The following SLC26A8 variants were observed in gnomAD, a reference collection of about 807,000 sequenced individuals.
SLC26A8 encodes testis anion transporter 1.
Under a neutral mutation model 105.0 loss-of-function variants are expected in SLC26A8, and 70 were observed. The observed-to-expected ratio is 0.67, with a 90% CI of 0.55 to 0.81. SLC26A8 has a LOEUF of 0.81. SLC26A8 is among the 40% of genes least tolerant of loss of function. SLC26A8 has a pLI of 0.00. For synonymous variants in SLC26A8, 415 were observed against 438.3 expected (o/e 0.95, Z 0.66); for missense variants, 998 against 1,181.8 (o/e 0.84, Z 2.28).
In SLC26A8 at chr6:36,011,233, G is replaced by A. The variant is rs114610162; in HGVS notation, c.328+1000C>T. ...CCTGGAAACCTTATAATGGTAGAAC[G>A]TCAGCTGTGTTACCGGGCAGAATTG... On this transcript the variant is annotated intron_variant, in intron 3 of 19. Coordinates refer to ENST00000490799, the MANE Select transcript of SLC26A8 (RefSeq NM_052961.4). Among the ~76,000 whole-genome samples the A allele has an allele frequency of 3.1e-3, 470 of 152,298 alleles. 3 individuals are homozygous for A. Among genetic ancestry groups the A allele is most frequent in the African/African-American group, 0.011 (457 of 41,558 alleles).
intron 3 of SLC26A8, among the ~76,000 whole-genome samples, chr6:36,010,609 G>A (rs950392625): frequency 2.7e-5 from 4 of 146,730 alleles, no homozygotes; most frequent in Non-Finnish European, 3.0e-5. Context: ...TGCGATCTTG[G>A]CTCACTGCAA....
At chr6:35,962,044 A>G (rs9368896) in intron 12 of SLC26A8, among the ~76,000 whole-genome samples, 146,841 of 152,244 alleles carry the variant, frequency 0.96, 70,923 homozygotes, top group South Asian at 1. Context: ...TGGTCAATAT[A>G]GTGAAACCCT....
chr6:36,012,345 G>C lies in SLC26A8; in HGVS notation c.216C>G (p.Cys72Trp). 1 of 1,600,888 alleles carries C rather than the reference G, an allele frequency of 6.2e-7. No individual in the cohort carries two copies. Among genetic ancestry groups the C allele is most frequent in the African/African-American group, 1.4e-5 (1 of 74,058 alleles). ...CRCSWHRFLRCVLTIFPFLEW... is the reference protein window; with the variant it reads ...CRCSWHRFLRWVLTIFPFLEW... ...CTAGGAAGGGAAAGATTGTAAGCACGCATCGTAGGAACCTGTGCCATGAGC... is the reference window on the plus strand; with the variant it reads ...CTAGGAAGGGAAAGATTGTAAGCACCCATCGTAGGAACCTGTGCCATGAGC... The change falls in exon 3 of 20, where the codon TGC becomes TGG. Residue 72 changes from cysteine to tryptophan, a missense_variant. Physicochemically the swap from Cys to Trp is radical, Grantham distance 215 (BLOSUM62 -2). Coordinates refer to ENST00000490799, the MANE Select transcript of SLC26A8 (RefSeq NM_052961.4).
At chr6:35,982,025 G>A (rs1406776748) in intron 8 of SLC26A8, 96 bp downstream of exon 8, 51 of 1,303,864 alleles carry the variant, frequency 3.9e-5, no homozygotes, top group Middle Eastern at 4.0e-4. Flanking sequence ...TTTGGCCAGA[G>A]ACTGCTAGTA....
chr6:36,011,395 T>C (rs1761852494), intron 3 of SLC26A8, among the ~76,000 whole-genome samples: 1 of 152,218 alleles, frequency 6.6e-6, no homozygotes, highest in South Asian at 2.1e-4. Context: ...ACTTGCCCAT[T>C]GTGGGACTCT....
intron 2 of SLC26A8, among the ~76,000 whole-genome samples, chr6:36,014,750 C>T (rs1279165442): frequency 6.6e-6 from 1 of 152,026 alleles, no homozygotes; most frequent in Non-Finnish European, 1.5e-5. Flanking sequence ...TCTGTAGTCC[C>T]AGCTACTCGG....
At chr6:35,956,428 CAAAAAAAAA>C (rs56146863) in intron 16 of SLC26A8, among the ~76,000 whole-genome samples, 4 of 105,886 alleles carry the variant, frequency 3.8e-5, no homozygotes, top group South Asian at 6.2e-4. Context: ...ACCTTATGTC[CAAAAAAAAA>C]AAAAAAAAAA....
rs1294940980 is a variant in SLC26A8 at position 35,955,257 on chromosome 6, G to A, written c.2127C>T (p.Leu709=). The A allele has an allele frequency of 2.5e-6, 4 of 1,614,188 alleles. No homozygotes were observed. Among genetic ancestry groups the A allele is most frequent in the South Asian group, 1.1e-5 (1 of 91,076 alleles). The change falls in exon 17 of 20, where the codon CTC becomes CTT. Residue 709 remains leucine (L), a synonymous_variant. Transcript: ENST00000490799. ...GTAGAGACGCATCTGAGTAAGGGATGAGTGATCTCCTCCCCTGGCTTTCCG... is the reference window on the plus strand; with the variant it reads ...GTAGAGACGCATCTGAGTAAGGGATAAGTGATCTCCTCCCCTGGCTTTCCG... ...DVAESQGRRS[L]IPYSDASLLP...
At chr6:35,988,560 G>A (rs576092694) in intron 7 of SLC26A8, among the ~76,000 whole-genome samples, 61 of 152,060 alleles carry the variant, frequency 4.0e-4, no homozygotes, top group African/African-American at 1.4e-3. Flanking sequence ...GCTTGAATCT[G>A]GGAGGCGGAG....
intron 4 of SLC26A8, among the ~76,000 whole-genome samples, chr6:35,999,510 G>A (rs564824729): frequency 2.0e-5 from 3 of 152,300 alleles, no homozygotes; most frequent in African/African-American, 7.2e-5. Flanking sequence ...TTAGTAGATG[G>A]ACTTTTGACT....
intron 2 of SLC26A8, among the ~76,000 whole-genome samples, chr6:36,018,856 G>A (rs1762059151): frequency 6.6e-6 from 1 of 152,202 alleles, no homozygotes; most frequent in African/African-American, 2.4e-5. Flanking sequence ...GTACCACCAT[G>A]TGGGCACTGT....
chr6:36,015,458 T>C lies in SLC26A8; in HGVS notation c.189-3086A>G, dbSNP rs371314137. The stretch of plus-strand genomic sequence containing the variant: ...TGCTGTGCTACCTTTCTGGTTAAAA[T>C]TTAGAAGTGGAGAGAATTGTATGTT... On this transcript the variant is annotated intron_variant, in intron 2 of 19. Coordinates refer to ENST00000490799, the MANE Select transcript of SLC26A8 (RefSeq NM_052961.4). 1.1e-4 allele frequency among the ~76,000 whole-genome samples: 17 copies of C among 152,260 alleles called. No homozygotes were observed. In the South Asian group the frequency reaches 2.3e-3, roughly 20 times the overall value.
At chr6:35,971,077 G>A (rs1772780045) in intron 10 of SLC26A8, among the ~76,000 whole-genome samples, 2 of 152,030 alleles carry the variant, frequency 1.3e-5, no homozygotes, top group South Asian at 4.1e-4. Flanking sequence ...GTCAAAATGA[G>A]CACAAACTAG....
At chr6:35,959,835 A>C in intron 14 of SLC26A8, 29 bp from the exon 15 acceptor site, 2 of 1,480,914 alleles carry the variant, frequency 1.4e-6, no homozygotes, top group Non-Finnish European at 1.9e-6. Context: ...AGTTGAGGGA[A>C]ATTTCTCAGT....
At chr6:35,947,680 C>T (rs1771722711) in intron 19 of SLC26A8, among the ~76,000 whole-genome samples, 4 of 152,084 alleles carry the variant, frequency 2.6e-5, no homozygotes, top group South Asian at 2.1e-4. Context: ...CCTGTAATCC[C>T]AGCACTTTGG....
At chr6:36,023,210 T>C (rs998297240) in intron 1 of SLC26A8, among the ~76,000 whole-genome samples, 5 of 77,370 alleles carry the variant, frequency 6.5e-5, no homozygotes, top group South Asian at 4.6e-4. Flanking sequence ...TCCATCCATT[T>C]ATCTAATTAT....
intron 19 of SLC26A8, among the ~76,000 whole-genome samples, chr6:35,948,930 T>C (rs1425301340): frequency 1.3e-5 from 2 of 152,158 alleles, no homozygotes; most frequent in Non-Finnish European, 2.9e-5. Context: ...CCTTCTGCCA[T>C]GTGGGGATGC....
chr6:35,977,442 CT>C (rs77593688), intron 8 of SLC26A8, 91 bp from the exon 9 acceptor site: 206,598 of 874,444 alleles, frequency 0.24, 13 homozygotes, highest in Middle Eastern at 0.28. Flanking sequence ...TGTCCTGATT[CT>C]TTTTTTTTTT....
At chr6:35,955,037 C>T (rs1417253872) in intron 17 of SLC26A8, 115 bp downstream of exon 17, 6 of 1,241,780 alleles carry the variant, frequency 4.8e-6, no homozygotes, top group Non-Finnish European at 6.9e-6. Context: ...GCTCTGGTGG[C>T]CTAGCAGTCT....
Sources: allele counts gnomAD v4.1 joint callset (sites outside exome capture counted in the v4.1 genomes callset), GRCh38; gene constraint gnomAD v4.1.1; transcripts MANE v1.5; gene names NCBI Gene and HGNC (gene_info 2026-07-23, HGNC 2026-07-21).